The following PLCL1 variants were observed in gnomAD, a reference collection of about 807,000 sequenced individuals.
PLCL1 encodes inactive phospholipase C-like protein 1.
Under a neutral mutation model 84.4 loss-of-function variants are expected in PLCL1, and 41 were observed. That is an observed-to-expected ratio of 0.49 (90% CI 0.38 to 0.63). The LOEUF (loss-of-function observed/expected upper bound fraction) is 0.63, where lower values mean the gene tolerates loss of function less well. PLCL1 is among the 30% of genes least tolerant of loss of function. The probability of loss-of-function intolerance (pLI) is 0.00; values close to 1 mark genes in which losing one functional copy is unlikely to be tolerated. For missense variants in PLCL1, 1,206 were observed against 1,367.8 expected, an observed-to-expected ratio of 0.88 and a Z score of 1.87; for synonymous variants, 490 against 488.3, an observed-to-expected ratio of 1.00 and a Z score of -0.05.
chr2:197,881,521 C>CTGTGTGTG (rs112582985), intron 1 of PLCL1, among the ~76,000 whole-genome samples: 5 of 151,020 alleles, frequency 3.3e-5, no homozygotes, highest in South Asian at 2.1e-4. Flanking sequence ...GAACAGTGCT[C>CTGTGTGTG]TGTGTGTGTG....
chr2:198,074,273 C>A (rs1692528314), intron 1 of PLCL1, among the ~76,000 whole-genome samples: 1 of 152,072 alleles, frequency 6.6e-6, no homozygotes, highest in Non-Finnish European at 1.5e-5. Flanking sequence ...CTCTTATTTC[C>A]ACTTAAGCTG....
intron 5 of PLCL1, among the ~76,000 whole-genome samples, chr2:198,106,173 C>T (rs901942677): frequency 6.6e-6 from 1 of 151,928 alleles, no homozygotes; most frequent in Non-Finnish European, 1.5e-5. Flanking sequence ...GGGCGCTCAG[C>T]TAGTAAATGG....
chr2:198,059,157 T>C (rs1480168159), intron 1 of PLCL1, among the ~76,000 whole-genome samples: 1 of 152,214 alleles, frequency 6.6e-6, no homozygotes, highest in Admixed American at 6.5e-5. Context: ...TGTGTGACTT[T>C]ATCCATCAGA....
intron 1 of PLCL1, among the ~76,000 whole-genome samples, chr2:197,832,521 A>G (rs892871625): frequency 5.3e-5 from 8 of 152,192 alleles, no homozygotes; most frequent in Non-Finnish European, 7.3e-5. Flanking sequence ...TAACCTACCA[A>G]CCAAAAAAAG....
At chr2:197,809,639 T>C (rs1402638076) in intron 1 of PLCL1, among the ~76,000 whole-genome samples, 2 of 152,144 alleles carry the variant, frequency 1.3e-5, no homozygotes, top group African/African-American at 4.8e-5. Flanking sequence ...TTACATCCTA[T>C]TGTTTTACCC....
intron 1 of PLCL1, among the ~76,000 whole-genome samples, chr2:198,078,040 T>C (rs1692622603): frequency 6.6e-6 from 1 of 152,188 alleles, no homozygotes; most frequent in Non-Finnish European, 1.5e-5. Context: ...TCATCCTTTT[T>C]ATTAGGAATC....
chr2:197,931,817 A>C (rs1399236822), intron 1 of PLCL1, among the ~76,000 whole-genome samples: 1 of 152,118 alleles, frequency 6.6e-6, no homozygotes, highest in East Asian at 1.9e-4. Context: ...TTATTTCTTG[A>C]ATGTCTTATT....
chr2:197,825,660 C>T (rs1038567442), intron 1 of PLCL1, among the ~76,000 whole-genome samples: 2 of 152,170 alleles, frequency 1.3e-5, no homozygotes, highest in Non-Finnish European at 2.9e-5. Flanking sequence ...TTGCTAGGTT[C>T]GCTTTCCTTA....
At chr2:198,031,013 T>G (rs1377876347) in intron 1 of PLCL1, among the ~76,000 whole-genome samples, 1 of 152,174 alleles carries the variant, frequency 6.6e-6, no homozygotes. Context: ...TAAAGCGCTC[T>G]AAAACATATT....
At chr2:198,082,998 A>T (rs1301655435) in intron 1 of PLCL1, among the ~76,000 whole-genome samples, 1 of 152,212 alleles carries the variant, frequency 6.6e-6, no homozygotes, top group Non-Finnish European at 1.5e-5. Context: ...ACAAGGTGCA[A>T]GTGTTCCCTG....
chr2:197,809,615 T>A (rs1003135699), intron 1 of PLCL1, among the ~76,000 whole-genome samples: 1 of 152,190 alleles, frequency 6.6e-6, no homozygotes, highest in Non-Finnish European at 1.5e-5. Context: ...CTGCTTGGCG[T>A]CAATATATGG....
At chr2:197,905,556 T>C (rs1000755802) in intron 1 of PLCL1, among the ~76,000 whole-genome samples, 1 of 152,250 alleles carries the variant, frequency 6.6e-6, no homozygotes, top group African/African-American at 2.4e-5. Context: ...GCAGTAAGCA[T>C]ACATGTGCAT....
intron 1 of PLCL1, among the ~76,000 whole-genome samples, chr2:197,939,936 AC>A (rs1689126324): frequency 6.6e-6 from 1 of 152,014 alleles, no homozygotes; most frequent in South Asian, 2.1e-4. Context: ...ACATACCAAT[AC>A]TTAGGCATCA....
chr2:198,109,971 AG>A, intron 5 of PLCL1, among the ~76,000 whole-genome samples: 1 of 151,638 alleles, frequency 6.6e-6, no homozygotes, highest in Non-Finnish European at 1.5e-5. Flanking sequence ...TTTATTACAA[AG>A]GAAAAACTAT....
intron 1 of PLCL1, among the ~76,000 whole-genome samples, chr2:197,882,791 A>G (rs1465425216): frequency 6.6e-6 from 1 of 152,238 alleles, no homozygotes; most frequent in African/African-American, 2.4e-5. Context: ...TACTATATGT[A>G]TACTTATAAG....
rs555817673 is a variant in PLCL1 at position 197,981,322 on chromosome 2, A to G, written c.241-102436A>G. 2.0e-5 allele frequency among the ~76,000 whole-genome samples: 3 copies of G among 152,368 alleles called. No individual in the cohort carries two copies. The South Asian group carries it at 6.2e-4, about 32-fold the overall frequency. On this transcript the variant is annotated intron_variant, in intron 1 of 5. Transcript: ENST00000428675. ...ATCAACAGGAAAATGATATGAAAAC[A>G]CATGTAGAAAAATGATTTAGATTCT...
At position 198,149,307 on chromosome 2, in the gene PLCL1, G is replaced by A. The variant is rs553754409; in HGVS notation, c.*2345G>A. The stretch of plus-strand genomic sequence containing the variant: ...TCTCTTCTATCTACTTAGATTTGGT[G>A]ATGCTAGGAATGTAGTGTTTTAGAT... On this transcript the variant is annotated 3_prime_UTR_variant, in exon 6 of 6. Coordinates refer to ENST00000428675, the MANE Select transcript of PLCL1 (RefSeq NM_006226.4). The A allele has an allele frequency of 3.3e-5, 5 of 152,384 alleles. No individual in the cohort carries two copies. In the South Asian group the frequency reaches 1.0e-3, roughly 32 times the overall value. The allele number at this position is 152,384 out of a possible 1,614,324, so 9.4% of individuals were successfully genotyped here. A position where few individuals can be genotyped will look rare whatever the true frequency, so the allele number is the denominator to read the frequency against.
chr2:198,089,057 A>C lies in PLCL1; in HGVS notation c.2915A>C (p.Asp972Ala). ...CAGAAAAAGATGCTGACTGCTTATG[A>C]TCTGGTAGGAAATTGCGACTCCATA... ...DVQKKMLTAY[D>A]LMIQESRFLI... Residue 972 changes from aspartate to alanine, a missense_variant, in exon 3 of 6, where the codon GAT (aspartate) becomes GCT (alanine). By Grantham distance (126) the Asp-to-Ala change is moderately radical. Transcript: ENST00000428675. 6.2e-7 allele frequency: 1 copy of C among 1,612,372 alleles called. No homozygotes were observed. The highest frequency in any genetic ancestry group is 8.5e-7 in the Non-Finnish European group (1 of 1,178,452).
chr2:197,953,377 C>T (rs777588543), intron 1 of PLCL1, among the ~76,000 whole-genome samples: 8 of 151,970 alleles, frequency 5.3e-5, no homozygotes, highest in Non-Finnish European at 8.8e-5. Context: ...GTGTTAATCC[C>T]AAGGGAACAG....
Sources: gnomAD v4.1 joint callset for allele counts (sites outside exome capture counted in the v4.1 genomes callset) on GRCh38, gnomAD v4.1.1 for gene constraint, MANE v1.5 for transcripts, NCBI Gene and HGNC (gene_info 2026-07-23, HGNC 2026-07-21) for gene names.